DCHS2: variants seen among roughly 807,000 people sequenced by gnomAD.
The protein encoded by DCHS2 is protocadherin-23.
A neutral mutation model predicts 182.4 loss-of-function variants in DCHS2; 142 were observed. That is an observed-to-expected ratio of 0.78 (90% CI 0.68 to 0.89). DCHS2 has a LOEUF of 0.89. Among genes scored for constraint, DCHS2 ranks in the 40% least tolerant of loss-of-function variants. The pLI is 0.00. For missense variants in DCHS2, 4,319 were observed against 4,198.6 expected (o/e 1.03, Z -0.79); for synonymous variants, 1,740 against 1,663.3 (o/e 1.05, Z -1.12).
intron 1 of DCHS2, among the ~76,000 whole-genome samples, chr4:154,455,362 T>C (rs1364695302): frequency 2.6e-5 from 4 of 152,194 alleles, no homozygotes; most frequent in Middle Eastern, 3.2e-3. Flanking sequence ...GGAAATATCA[T>C]AGGAAGGAAG....
intron 1 of DCHS2, among the ~76,000 whole-genome samples, chr4:154,470,487 C>CAG (rs1735416531): frequency 7.0e-6 from 1 of 143,318 alleles, no homozygotes; most frequent in Non-Finnish European, 1.5e-5. Flanking sequence ...GACCCTGTCT[C>CAG]AAAAAAAAAA....
In DCHS2 at chr4:154,236,968, C is replaced by T. The variant is rs754842985; in HGVS notation, c.7684G>A (p.Ala2562Thr). ...GTAACAAGCGTGCTTCCAACCAGAG[C>T]ATCCTCACTTAGGCTAAGATTATAG... is the stretch of plus-strand genomic sequence containing the variant. The part of the protein sequence containing the change: ...KSYNLSLSED[A>T]LVGSTLVTFS... The change falls in exon 20 of 20, where the codon GCT becomes ACT. Residue 2562 changes from alanine (A) to threonine (T), a missense_variant. Ala to Thr is a moderately conservative substitution (Grantham distance 58). Coordinates refer to ENST00000357232, the MANE Select transcript of DCHS2 (RefSeq NM_001358235.2). The T allele has an allele frequency of 2.5e-6, 4 of 1,613,938 alleles. No individual in the cohort carries two copies. The highest frequency in any genetic ancestry group is 2.7e-5 in the African/African-American group (2 of 74,914).
chr4:154,309,803 G>A (rs959696877), intron 10 of DCHS2, among the ~76,000 whole-genome samples: 2 of 152,208 alleles, frequency 1.3e-5, no homozygotes, highest in African/African-American at 4.8e-5. Context: ...ATGTTTGACT[G>A]TGATAAAGTG....
At chr4:154,305,344 T>C in intron 10 of DCHS2, 113 bp from the exon 11 acceptor site, 2 of 1,279,022 alleles carry the variant, frequency 1.6e-6, no homozygotes. Flanking sequence ...ATGGCAAGAT[T>C]CTCAAACAGC....
chr4:154,303,744 G>A (rs1344988630), intron 12 of DCHS2, among the ~76,000 whole-genome samples: 1 of 152,172 alleles, frequency 6.6e-6, no homozygotes, highest in East Asian at 1.9e-4. Flanking sequence ...GTGTGTCTTT[G>A]CCATCAGAAT....
rs571367590 is a variant in DCHS2 at position 154,404,946 on chromosome 4, C to A, written c.2053-27502G>T. On this transcript the variant is annotated intron_variant, in intron 1 of 19. Coordinates refer to ENST00000357232, the MANE Select transcript of DCHS2 (RefSeq NM_001358235.2). ...CACCTCTACCCCCAGAGTCCACCCACTTTAAACATTTTCTCTTGGCATGGG... is the reference window on the plus strand; with the variant it reads ...CACCTCTACCCCCAGAGTCCACCCAATTTAAACATTTTCTCTTGGCATGGG... Among the ~76,000 whole-genome samples, 4 of 152,286 alleles carry A rather than the reference C, an allele frequency of 2.6e-5. No individual in the cohort carries two copies. The South Asian group carries it at 6.2e-4, about 24-fold the overall frequency.
chr4:154,325,400 T>C (rs1365968614), intron 7 of DCHS2, among the ~76,000 whole-genome samples: 4 of 151,476 alleles, frequency 2.6e-5, no homozygotes, highest in African/African-American at 9.7e-5. Flanking sequence ...ACAGGTACAC[T>C]ATGTTGTCTT....
intron 7 of DCHS2, chr4:154,323,346 A>C: frequency 1.9e-6 from 3 of 1,548,186 alleles, no homozygotes; most frequent in Non-Finnish European, 8.7e-7. Context: ...AAAAAAAAAA[A>C]AAAGATGAAG....
At position 154,232,878 on chromosome 4, in the gene DCHS2, T is replaced by C. The variant is rs997033402; in HGVS notation, c.*1658A>G. 1.3e-5 allele frequency: 2 copies of C among 152,164 alleles called. No individual in the cohort carries two copies. The highest frequency in any genetic ancestry group is 4.8e-5 in the African/African-American group (2 of 41,450). The allele number at this position is 152,164 out of a possible 1,614,324, so 9.4% of individuals were successfully genotyped here. On this transcript the variant is annotated 3_prime_UTR_variant, in exon 20 of 20. Coordinates refer to ENST00000357232, the MANE Select transcript of DCHS2 (RefSeq NM_001358235.2). ...TTTCAGGCTTATTCAAAAACCTTCA[T>C]GTTTCATACAATTTGTAATATAGCT...
chr4:154,299,026 A>G (rs1466417477), intron 12 of DCHS2, among the ~76,000 whole-genome samples: 1 of 152,190 alleles, frequency 6.6e-6, no homozygotes, highest in Non-Finnish European at 1.5e-5. Context: ...TTTAATTTTA[A>G]TATATTTTTC....
At chr4:154,417,829 T>C (rs1038000353) in intron 1 of DCHS2, among the ~76,000 whole-genome samples, 2 of 152,242 alleles carry the variant, frequency 1.3e-5, no homozygotes, top group Non-Finnish European at 2.9e-5. Flanking sequence ...ATTCTCTTTC[T>C]ATATTCTACT....
intron 19 of DCHS2, among the ~76,000 whole-genome samples, chr4:154,237,819 A>C (rs1045288658): frequency 6.6e-6 from 1 of 152,204 alleles, no homozygotes; most frequent in Non-Finnish European, 1.5e-5. Context: ...GCTGACATTT[A>C]AATGCCATGT....
intron 1 of DCHS2, among the ~76,000 whole-genome samples, chr4:154,465,999 T>C (rs1001531102): frequency 3.9e-5 from 6 of 152,200 alleles, no homozygotes; most frequent in Non-Finnish European, 8.8e-5. Flanking sequence ...ATATTTTTTG[T>C]TGCTGTTGAT....
At chr4:154,248,990 A>T (rs1732218718) in intron 16 of DCHS2, among the ~76,000 whole-genome samples, 1 of 152,200 alleles carries the variant, frequency 6.6e-6, no homozygotes, top group Non-Finnish European at 1.5e-5. Flanking sequence ...ATCCTAGAAG[A>T]AAACCTAAGA....
At chr4:154,368,666 A>G (rs997173186) in intron 2 of DCHS2, among the ~76,000 whole-genome samples, 5 of 152,154 alleles carry the variant, frequency 3.3e-5, no homozygotes, top group Non-Finnish European at 7.4e-5. Context: ...ACAGGCACAC[A>G]CCACCACACC....
Position 154,298,178 on chromosome 4 carries a change from A to T in DCHS2, c.6136T>A (p.Phe2046Ile), listed in dbSNP as rs1390984593. ...PVLEQNPFDVFLSPESPTNQT... is the reference protein window; with the variant it reads ...PVLEQNPFDVILSPESPTNQT... Reference sequence around the variant, plus strand: ...TTTGTAGGCGACTCGGGGGAAAGAAACACATCAAAAGGGTTCTGTTCCAAA... The same window carrying T: ...TTTGTAGGCGACTCGGGGGAAAGAATCACATCAAAAGGGTTCTGTTCCAAA... The change falls in exon 13 of 20, where the codon TTT becomes ATT. Residue 2046 changes from phenylalanine to isoleucine, a missense_variant. Coordinates refer to ENST00000357232, the MANE Select transcript of DCHS2 (RefSeq NM_001358235.2). The T allele has an allele frequency of 7.4e-6, 12 of 1,614,012 alleles. No individual in the cohort carries two copies. The Admixed American group carries it at 2.0e-4, about 27-fold the overall frequency.
At chr4:154,453,366 A>T (rs572469535) in intron 1 of DCHS2, among the ~76,000 whole-genome samples, 2 of 151,568 alleles carry the variant, frequency 1.3e-5, no homozygotes, top group South Asian at 4.2e-4. Flanking sequence ...AGAGAGCTCA[A>T]GAGGGTTATA....
chr4:154,274,269 T>C (rs1162193648), intron 13 of DCHS2, among the ~76,000 whole-genome samples: 1 of 152,206 alleles, frequency 6.6e-6, no homozygotes, highest in Non-Finnish European at 1.5e-5. Context: ...TAATTTAATT[T>C]ATGGGGAAAA....
At chr4:154,313,202 A>G (rs543837135) in intron 10 of DCHS2, among the ~76,000 whole-genome samples, 41 of 152,174 alleles carry the variant, frequency 2.7e-4, no homozygotes, top group African/African-American at 7.7e-4. Context: ...GGAGTGGGGG[A>G]AGGGCACTGC....
Sources: allele counts gnomAD v4.1 joint callset (sites outside exome capture counted in the v4.1 genomes callset), GRCh38; gene constraint gnomAD v4.1.1; transcripts MANE v1.5; gene names NCBI Gene and HGNC (gene_info 2026-07-23, HGNC 2026-07-21).